The following ZRANB3 variants were observed in gnomAD, a reference collection of about 807,000 sequenced individuals.
ZRANB3 encodes DNA annealing helicase and endonuclease ZRANB3.
ZRANB3 carries 125 observed loss-of-function variants against 133.8 expected under a neutral mutation model. The observed-to-expected ratio is 0.93, with a 90% CI of 0.81 to 1.08. The LOEUF (loss-of-function observed/expected upper bound fraction) is 1.08. Among genes scored for constraint, ZRANB3 ranks in the 50% least tolerant of loss-of-function variants. The pLI, the probability that ZRANB3 is intolerant of heterozygous loss-of-function variation, is 0.00. For missense variants in ZRANB3, 1,229 were observed against 1,275.5 expected (o/e 0.96, Z 0.56); for synonymous variants, 387 against 432.7 (o/e 0.89, Z 1.31).
chr2:135,386,734 T>A (rs565212371), intron 3 of ZRANB3, among the ~76,000 whole-genome samples: 1 of 152,040 alleles, frequency 6.6e-6, no homozygotes, highest in East Asian at 1.9e-4. Context: ...CAGCAAACTA[T>A]CACAAAGACA....
intron 2 of ZRANB3, among the ~76,000 whole-genome samples, chr2:135,394,024 A>ATT (rs534051506): frequency 4.8e-5 from 7 of 146,116 alleles, no homozygotes; most frequent in African/African-American, 1.7e-4. Flanking sequence ...TGCCCAGCTA[A>ATT]TTTTTTTTTT....
intron 1 of ZRANB3, among the ~76,000 whole-genome samples, chr2:135,509,977 A>G (rs551011774): frequency 5.9e-5 from 9 of 152,170 alleles, no homozygotes; most frequent in Non-Finnish European, 1.2e-4. Flanking sequence ...GAAAAATTCT[A>G]TTCTTTTTAT....
chr2:135,422,626 G>A (rs1285859019), intron 2 of ZRANB3, among the ~76,000 whole-genome samples: 1 of 152,094 alleles, frequency 6.6e-6, no homozygotes, highest in African/African-American at 2.4e-5. Flanking sequence ...TACTTCAATA[G>A]GGGACAGACC....
chr2:135,528,158 GGTTT>G (rs777051590), intron 1 of ZRANB3, among the ~76,000 whole-genome samples: 46 of 147,838 alleles, frequency 3.1e-4, no homozygotes, highest in Middle Eastern at 3.4e-3. Context: ...TTTTTTTTGT[GGTTT>G]GTTTGAGACA....
chr2:135,314,021 C>T (rs1183207327), intron 7 of ZRANB3, among the ~76,000 whole-genome samples: 3 of 152,102 alleles, frequency 2.0e-5, no homozygotes, highest in African/African-American at 4.8e-5. Context: ...TGCGCCACCA[C>T]GCCCAGCTAA....
At chr2:135,207,876 G>T in intron 18 of ZRANB3, 40 bp from the exon 19 acceptor site, 1 of 1,541,428 alleles carries the variant, frequency 6.5e-7, no homozygotes, top group Non-Finnish European at 8.8e-7. Flanking sequence ...ACTAATGAAT[G>T]ATTAGGCTAA....
At chr2:135,446,120 C>A (rs531848537) in intron 2 of ZRANB3, among the ~76,000 whole-genome samples, 1 of 150,554 alleles carries the variant, frequency 6.6e-6, no homozygotes, top group Non-Finnish European at 1.5e-5. Flanking sequence ...GCAAGAGAAT[C>A]GCTTGAACCC....
intron 12 of ZRANB3, among the ~76,000 whole-genome samples, chr2:135,248,006 T>C (rs1203683017): frequency 1.3e-5 from 2 of 152,112 alleles, no homozygotes; most frequent in African/African-American, 2.4e-5. Flanking sequence ...TCAGGTGCCT[T>C]TGGACCAGCA....
intron 9 of ZRANB3, among the ~76,000 whole-genome samples, chr2:135,272,110 TC>T (rs1329023691): frequency 6.6e-6 from 1 of 152,150 alleles, no homozygotes; most frequent in African/African-American, 2.4e-5. Flanking sequence ...GAGGGTAGAG[TC>T]TATGTCTAAT....
At chr2:135,297,021 G>T (rs1214252173) in intron 8 of ZRANB3, among the ~76,000 whole-genome samples, 1 of 152,232 alleles carries the variant, frequency 6.6e-6, no homozygotes, top group African/African-American at 2.4e-5. Context: ...CTACTCGGGG[G>T]TCAGGGACCC....
At chr2:135,361,490 T>A (rs1305973818) in intron 3 of ZRANB3, among the ~76,000 whole-genome samples, 1 of 152,258 alleles carries the variant, frequency 6.6e-6, no homozygotes, top group African/African-American at 2.4e-5. Context: ...ATACATAAAA[T>A]TTCAGTTTCA....
At chr2:135,208,841 T>C (rs1225535181) in intron 18 of ZRANB3, 27 bp downstream of exon 18, 7 of 1,563,960 alleles carry the variant, frequency 4.5e-6, no homozygotes, top group Non-Finnish European at 6.2e-6. Flanking sequence ...TTAGTACTAC[T>C]ATATACTAGT....
chr2:135,423,855 T>C (rs539330701), intron 2 of ZRANB3, among the ~76,000 whole-genome samples: 1 of 152,316 alleles, frequency 6.6e-6, no homozygotes, highest in South Asian at 2.1e-4. Context: ...GATCTGAATA[T>C]GCTACCATCA....
intron 8 of ZRANB3, among the ~76,000 whole-genome samples, chr2:135,279,880 G>A (rs1681015695): frequency 6.6e-6 from 1 of 152,172 alleles, no homozygotes; most frequent in Admixed American, 6.5e-5. Flanking sequence ...AATGTGTTGG[G>A]AATACCAAAA....
chr2:135,433,763 G>A (rs1015682268), intron 2 of ZRANB3, among the ~76,000 whole-genome samples: 4 of 152,204 alleles, frequency 2.6e-5, no homozygotes, highest in Non-Finnish European at 4.4e-5. Context: ...TTGGGAGGCC[G>A]AGGCGAGCGG....
At chr2:135,451,362 G>C (rs1690258683) in intron 2 of ZRANB3, among the ~76,000 whole-genome samples, 1 of 152,080 alleles carries the variant, frequency 6.6e-6, no homozygotes, top group Non-Finnish European at 1.5e-5. Flanking sequence ...AGGAGTTCAA[G>C]AGTAGCCTGG....
rs561232588 is a variant in ZRANB3, at chr2:135,466,835, A to G, written c.161+37494T>C. ...TGGGAATACAGGCACACACCACTGCACTCAGCTAATTTTTGTATTTTTTGT... is the reference window on the plus strand; with the variant it reads ...TGGGAATACAGGCACACACCACTGCGCTCAGCTAATTTTTGTATTTTTTGT... On this transcript the variant is annotated intron_variant, in intron 2 of 20. Coordinates refer to ENST00000264159, the MANE Select transcript of ZRANB3 (RefSeq NM_032143.4). Among the ~76,000 whole-genome samples the G allele has an allele frequency of 2.2e-4, 34 of 151,944 alleles. 1 individual carries two copies. In the South Asian group the frequency reaches 7.1e-3, roughly 32 times the overall value.
intron 12 of ZRANB3, among the ~76,000 whole-genome samples, chr2:135,245,907 C>T (rs1250840118): frequency 1.7e-5 from 1 of 57,916 alleles, no homozygotes; most frequent in East Asian, 1.9e-3. Flanking sequence ...GCCTGGGCAA[C>T]GAGATTGAAA....
chr2:135,357,386 C>T (rs1685485792), intron 3 of ZRANB3, among the ~76,000 whole-genome samples: 3 of 152,204 alleles, frequency 2.0e-5, no homozygotes, highest in African/African-American at 7.2e-5. Context: ...ATGTCTGCCT[C>T]CTGGGTTCAA....
Sources: allele counts gnomAD v4.1 joint callset (sites outside exome capture counted in the v4.1 genomes callset), GRCh38; gene constraint gnomAD v4.1.1; transcripts MANE v1.5; gene names NCBI Gene and HGNC (gene_info 2026-07-23, HGNC 2026-07-21).